Variants in JAG2 observed in about 807,000 individuals in gnomAD.
JAG2 encodes protein jagged-2.
A neutral mutation model predicts 141.7 loss-of-function variants in JAG2; 46 were observed. The observed-to-expected ratio is 0.32, with a 90% confidence interval of 0.26 to 0.42. The LOEUF is 0.42. Among genes scored for constraint, JAG2 ranks in the 10% least tolerant of loss-of-function variants. The pLI is 1.00. For missense variants in JAG2, 1,500 were observed against 1,817.5 expected, an observed-to-expected ratio of 0.83 and a Z score of 3.18; for synonymous variants, 862 against 763.5, an observed-to-expected ratio of 1.13 and a Z score of -2.13.
At chr14:105,147,604 C>T (rs1184297854) in intron 18 of JAG2, 77 bp from the exon 19 acceptor site, 17 of 1,452,772 alleles carry the variant, frequency 1.2e-5, no homozygotes, top group South Asian at 9.2e-5. Context: ...GCTGGCTTGG[C>T]GTGATCAGGC....
Position 105,155,892 on chromosome 14 carries a change from C to T in JAG2, c.573G>A (p.Glu191=). ...LHFSGHVAHL[E]LQIRVRCDEN... is the part of the protein sequence containing the mutation. Reference sequence around the variant, plus strand: ...CGTCGCAGCGCACGCGGATCTGCAGCTCCAGGTGCGCCACGTGGCCGCTGA... The same window carrying T: ...CGTCGCAGCGCACGCGGATCTGCAGTTCCAGGTGCGCCACGTGGCCGCTGA... Residue 191 remains glutamate (E), a synonymous_variant, in exon 4 of 26, where the codon GAG becomes GAA. Coordinates refer to ENST00000331782, the MANE Select transcript of JAG2 (RefSeq NM_002226.5). 1.2e-6 allele frequency: 2 copies of T among 1,612,220 alleles called. No homozygotes were observed. Among genetic ancestry groups the T allele is most frequent in the Non-Finnish European group, 1.7e-6 (2 of 1,179,758 alleles).
At chr14:105,151,533 T>G in intron 8 of JAG2, 93 bp downstream of exon 8, 1 of 1,338,994 alleles carries the variant, frequency 7.5e-7, no homozygotes, top group Non-Finnish European at 1.0e-6. Context: ...ACGTGTGGAC[T>G]TGACCACTGC....
chr14:105,151,204 A>C lies in JAG2; in HGVS notation c.1267+79T>G, dbSNP rs79441490. The C allele has an allele frequency of 0.011, 7,522 of 715,294 alleles. 238 individuals carry two copies. The Admixed American group carries it at 0.14, about 13-fold the overall frequency. 44.3% of individuals were successfully genotyped at this position (715,294 alleles called of 1,614,324 possible). A position where few individuals can be genotyped will look rare whatever the true frequency, so the allele number is the denominator to read the frequency against. On this transcript the variant is annotated intron_variant, in intron 9 of 25. Coordinates refer to ENST00000331782, the MANE Select transcript of JAG2 (RefSeq NM_002226.5). ...GCAGCCCAGCAGCCCCAGCAGCCCC[A>C]GCAGCCCCCGCAGCCCCAGCAGCCC...
rs766097766 is a variant in JAG2 at position 105,142,953 on chromosome 14, G to T, written c.3459C>A (p.Asn1153Lys). The change falls in exon 26 of 26, where the codon AAC becomes AAA. Residue 1153 changes from asparagine (N) to lysine (K), a missense_variant. Asn to Lys is a moderately conservative substitution (Grantham distance 94). This residue lies in a region of JAG2 where 425 missense variants were observed against 441.0 expected (regional missense o/e 0.96). Coordinates refer to ENST00000331782, the MANE Select transcript of JAG2 (RefSeq NM_002226.5). ...CCGCCCTGCGCGGCGGCGGCGTGAA[G>T]TTCTTGCACTGGTAGAGCACGTCCT... is the stretch of plus-strand genomic sequence containing the variant. ...GHKDVLYQCK[N>K]FTPPPRRADE... 4 of 1,610,044 alleles carry T rather than the reference G, an allele frequency of 2.5e-6. No homozygotes were observed. The highest frequency in any genetic ancestry group is 3.4e-6 in the Non-Finnish European group (4 of 1,178,590).
rs1192153777 is a variant in JAG2 at position 105,157,662 on chromosome 14, G to A, written c.475+44C>T. The A allele has an allele frequency of 2.6e-5, 40 of 1,521,180 alleles. No individual in the cohort carries two copies. The East Asian group carries it at 4.9e-4, about 19-fold the overall frequency. 94.2% of individuals were successfully genotyped at this position (1,521,180 alleles called of 1,614,324 possible). A position where few individuals can be genotyped will look rare whatever the true frequency, so the allele number is the denominator to read the frequency against. On this transcript the variant is annotated intron_variant, in intron 3 of 25. Coordinates refer to ENST00000331782, the MANE Select transcript of JAG2 (RefSeq NM_002226.5). Reference sequence around the variant, plus strand: ...AGGAGCTGGGCCCTGCCACAGGCACGCTGAAGCTGAGAGGAGCTGCCACCT... The same window carrying A: ...AGGAGCTGGGCCCTGCCACAGGCACACTGAAGCTGAGAGGAGCTGCCACCT...
intron 23 of JAG2, 103 bp downstream of exon 23, chr14:105,145,628 G>A: frequency 1.4e-6 from 2 of 1,450,512 alleles, no homozygotes; most frequent in Non-Finnish European, 1.9e-6. Flanking sequence ...ACTCTGCTCA[G>A]CCAACCAGGG....
rs776936125 is a variant in JAG2, at chr14:105,147,786, C to T, written c.2351G>A (p.Arg784His). 37 of 1,546,212 alleles carry T rather than the reference C, an allele frequency of 2.4e-5. No homozygotes were observed. Among genetic ancestry groups the T allele is most frequent in the Non-Finnish European group, 3.1e-5 (36 of 1,144,588 alleles). ...SCICRDGWEGRTCTHNTNDCN... is the reference protein window; with the variant it reads ...SCICRDGWEGHTCTHNTNDCN... ...CCCACACTCACTGTGAGTGCAAGTA[C>T]GACCCTCCCAGCCGTCCCGGCAGAT... The change falls in exon 18 of 26, where the codon CGT becomes CAT. Residue 784 changes from arginine to histidine, a missense_variant. This residue lies in a region of JAG2 where 875 missense variants were observed against 1,202.2 expected (regional missense o/e 0.73). Coordinates refer to ENST00000331782, the MANE Select transcript of JAG2 (RefSeq NM_002226.5).
chr14:105,155,776 G>T lies in JAG2; in HGVS notation c.689C>A (p.Ala230Asp), dbSNP rs750060198. ...HYTCDQYGNK[A>D]CMDGWMGKEC... is the part of the protein sequence containing the mutation. Reference sequence around the variant, plus strand: ...CTTGCCCATCCAGCCGTCCATGCAGGCCTTGTTGCCGTACTGGTCGCAGGT... The same window carrying T: ...CTTGCCCATCCAGCCGTCCATGCAGTCCTTGTTGCCGTACTGGTCGCAGGT... Residue 230 changes from alanine (A) to aspartate (D), a missense_variant, in exon 4 of 26, where the codon GCC (alanine) becomes GAC (aspartate). Transcript: ENST00000331782. The T allele has an allele frequency of 6.2e-7, 1 of 1,612,830 alleles. No homozygotes were observed. The highest frequency in any genetic ancestry group is 1.7e-5 in the Admixed American group (1 of 59,992).
chr14:105,148,499 C>G, intron 15 of JAG2, 60 bp from the exon 16 acceptor site: 1 of 801,258 alleles, frequency 1.2e-6, no homozygotes, highest in Admixed American at 2.5e-5. Context: ...GAGGGCTTCC[C>G]GGGGGAGGAA....
At position 105,143,070 on chromosome 14, in the gene JAG2, C is replaced by T; in HGVS notation, c.3342G>A (p.Glu1114=). 1.2e-6 allele frequency: 2 copies of T among 1,601,498 alleles called. No homozygotes were observed. The highest frequency in any genetic ancestry group is 1.1e-5 in the South Asian group (1 of 91,050). The part of the protein sequence containing the change: ...WWTRKRRKER[E]RSRLPREESA... ...TCTCCTCCCGCGGCAGCCGGCTCCT[C>T]TCCCGCTCTTTCCTGCGCTTGCGTG... Residue 1114 remains glutamate (E), a synonymous_variant, in exon 26 of 26, where the codon GAG becomes GAA. Transcript: ENST00000331782.
chr14:105,144,173 C>T (rs1300522080), intron 24 of JAG2, among the ~76,000 whole-genome samples: 1 of 151,996 alleles, frequency 6.6e-6, no homozygotes, highest in Admixed American at 6.5e-5. Flanking sequence ...CCCCCACCCC[C>T]ACCTATGGGC....
Position 105,143,103 on chromosome 14 carries a change from C to G in JAG2, c.3309G>C (p.Val1103=), listed in dbSNP as rs1208505332. 6.3e-7 allele frequency: 1 copy of G among 1,599,484 alleles called. No homozygotes were observed. Among genetic ancestry groups the G allele is most frequent in the African/African-American group, 1.3e-5 (1 of 74,926 alleles). Residue 1103 remains valine (V), a synonymous_variant, in exon 26 of 26, where the codon GTG becomes GTC. Coordinates refer to ENST00000331782, the MANE Select transcript of JAG2 (RefSeq NM_002226.5). Reference sequence around the variant, plus strand: ...CTTTCCTGCGCTTGCGTGTCCACCACACGCACAGGACCACGCACGCCAGCC... The same window carrying G: ...CTTTCCTGCGCTTGCGTGTCCACCAGACGCACAGGACCACGCACGCCAGCC... ...VLWLACVVLC[V]WWTRKRRKER...
In JAG2 at chr14:105,151,740, C is replaced by A; in HGVS notation, c.1040-1G>T. 1 of 1,608,530 alleles carries A rather than the reference C, an allele frequency of 6.2e-7. No homozygotes were observed. The highest frequency in any genetic ancestry group is 1.7e-5 in the Admixed American group (1 of 59,332). ...GGGTTGGAGGTGCAGGCGTGCTCAG[C>A]TGTAGAACCGCGGGGAGGGGGCAGA... On this transcript the variant is annotated splice_acceptor_variant, in intron 7 of 25. Coordinates refer to ENST00000331782, the MANE Select transcript of JAG2 (RefSeq NM_002226.5). LOFTEE classifies it high-confidence loss of function.
chr14:105,148,892 G>A, intron 14 of JAG2, 34 bp from the exon 15 acceptor site: 5 of 1,591,916 alleles, frequency 3.1e-6, no homozygotes, highest in Non-Finnish European at 4.3e-6. Context: ...CAGGGCCTCA[G>A]GCCAGCCCAG....
In JAG2 at chr14:105,168,399, G is replaced by A. The variant is rs1176911526; in HGVS notation, c.22C>T (p.Arg8Cys). 7.0e-6 allele frequency: 7 copies of A among 997,240 alleles called. No homozygotes were observed. Among genetic ancestry groups the A allele is most frequent in the Admixed American group, 4.3e-5 (1 of 23,102 alleles). 61.8% of individuals were successfully genotyped at this position (997,240 alleles called of 1,614,324 possible). A position where few individuals can be genotyped will look rare whatever the true frequency, so the allele number is the denominator to read the frequency against. Residue 8 changes from arginine to cysteine, a missense_variant, in exon 1 of 26, where the codon CGC (arginine) becomes TGC (cysteine). Transcript: ENST00000331782. MRAQGRG[R>C]LPRRLLLLLA... The stretch of plus-strand genomic sequence containing the variant: ...AGCAGCAGCAGCCGCCGGGGAAGGC[G>A]CCCCCGGCCCTGCGCCCGCATTGCC...
At position 105,167,658 on chromosome 14, in the gene JAG2, C is replaced by T; in HGVS notation, c.417+99G>A. ...CCCGCCTGGGCGCGCGCGGCTCGCA[C>T]GCAGACCCGGCCGCAGGTGTTGGGG... On this transcript the variant is annotated intron_variant, in intron 2 of 25. Coordinates refer to ENST00000331782, the MANE Select transcript of JAG2 (RefSeq NM_002226.5). This position sits in a 1 kb window ranked among gnomAD's most constrained non-coding sequence, Gnocchi z 4.8. The T allele has an allele frequency of 1.6e-6, 2 of 1,221,480 alleles. No individual in the cohort carries two copies. The highest frequency in any genetic ancestry group is 2.0e-6 in the Non-Finnish European group (2 of 980,948). 75.7% of individuals were successfully genotyped at this position (1,221,480 alleles called of 1,614,324 possible).
At position 105,151,631 on chromosome 14, in the gene JAG2, G is replaced by A. The variant is rs748090676; in HGVS notation, c.1148C>T (p.Ala383Val). 2 of 1,604,426 alleles carry A rather than the reference G, an allele frequency of 1.2e-6. No individual in the cohort carries two copies. The highest frequency in any genetic ancestry group is 1.7e-6 in the Non-Finnish European group (2 of 1,176,246). ...CPSGWSGPTC[A>V]LDIDECASNP... ...ACTCACGTGCAGACACTCACCAAGG[G>A]CACAGGTGGGCCCGCTCCAGCCCGA... The change falls in exon 8 of 26, where the codon GCC (alanine) becomes GTC (valine). Residue 383 changes from alanine to valine, a missense_variant. This residue lies in a region of JAG2 where 875 missense variants were observed against 1,202.2 expected (regional missense o/e 0.73). Transcript: ENST00000331782.
rs1017109921 is a variant in JAG2, at chr14:105,142,289, A to G, written c.*406T>C. ...CCACCAACAGCCATGGGCCACACCA[A>G]CACAGCCATGGGTCTCACCGGCACT... On this transcript the variant is annotated 3_prime_UTR_variant, in exon 26 of 26. Coordinates refer to ENST00000331782, the MANE Select transcript of JAG2 (RefSeq NM_002226.5). 5.7e-5 allele frequency: 11 copies of G among 194,242 alleles called. No homozygotes were observed. The highest frequency in any genetic ancestry group is 5.3e-5 in the Non-Finnish European group (5 of 95,056). 12.0% of individuals were successfully genotyped at this position (194,242 alleles called of 1,614,324 possible).
intron 3 of JAG2, 66 bp downstream of exon 3, chr14:105,157,640 A>G (rs1888619472): frequency 7.3e-7 from 1 of 1,360,684 alleles, no homozygotes; most frequent in Non-Finnish European, 1.0e-6. Flanking sequence ...CAGACAGAGG[A>G]GCTGGGCCCT....
Sources: allele counts gnomAD v4.1 joint callset (sites outside exome capture counted in the v4.1 genomes callset), GRCh38; gene constraint gnomAD v4.1.1; regional missense constraint gnomAD v4.1.1; non-coding constraint Gnocchi (gnomAD v3.1); transcripts MANE v1.5; gene names NCBI Gene and HGNC (gene_info 2026-07-23, HGNC 2026-07-21).